WDR3: variants seen among roughly 807,000 people sequenced by gnomAD.
WDR3 encodes the protein WD repeat-containing protein 3.
In WDR3, 81 loss-of-function variants were observed where a neutral mutation model predicts 123.7. The observed-to-expected ratio is 0.65, with a 90% CI of 0.55 to 0.79. The LOEUF (loss-of-function observed/expected upper bound fraction) is 0.79. Among genes scored for constraint, WDR3 ranks in the 30% least tolerant of loss-of-function variants. The pLI is 0.00. For synonymous variants in WDR3, 390 were observed against 388.8 expected (o/e 1.00, Z -0.04); for missense variants, 1,027 against 1,123.2 (o/e 0.91, Z 1.22).
intron 20 of WDR3, 76 bp downstream of exon 20, chr1:117,953,072 AT>A: frequency 6.6e-7 from 1 of 1,507,274 alleles, no homozygotes. Context: ...AATGTCCAGA[AT>A]TTCTAATAGA....
intron 6 of WDR3, 147 bp downstream of exon 6, chr1:117,939,719 T>G: frequency 1.3e-6 from 1 of 748,992 alleles, no homozygotes; most frequent in Non-Finnish European, 2.2e-6. Flanking sequence ...AAAAAGCTTT[T>G]CTTCCTTATA....
Position 117,963,488 on chromosome 1 carries a change from A to G in WDR3, c.*4041A>G, listed in dbSNP as rs1346225635. ...ACGCCATTCTCCTGCCTCAGCCTCCAGAGTAGCTGGGACTACAGGCACCCG... is the reference window on the plus strand; with the variant it reads ...ACGCCATTCTCCTGCCTCAGCCTCCGGAGTAGCTGGGACTACAGGCACCCG... On this transcript the variant is annotated 3_prime_UTR_variant, in exon 27 of 27. Coordinates refer to ENST00000349139, the MANE Select transcript of WDR3 (RefSeq NM_006784.3). 1.8e-5 allele frequency: 3 copies of G among 164,818 alleles called. No individual in the cohort carries two copies. Among genetic ancestry groups the G allele is most frequent in the African/African-American group, 7.2e-5 (3 of 41,638 alleles). The allele number at this position is 164,818 out of a possible 1,614,324, so 10.2% of individuals were successfully genotyped here. A position where few individuals can be genotyped will look rare whatever the true frequency, so the allele number is the denominator to read the frequency against.
intron 6 of WDR3, among the ~76,000 whole-genome samples, chr1:117,940,443 G>T (rs576404355): frequency 1.6e-4 from 24 of 152,258 alleles, no homozygotes; most frequent in African/African-American, 4.8e-4. Context: ...TACCTCCTGG[G>T]CCAGGCACAG....
Position 117,960,798 on chromosome 1 carries a change from T to C in WDR3, c.*1351T>C, listed in dbSNP as rs1230010147. 2 of 152,264 alleles carry C rather than the reference T, an allele frequency of 1.3e-5. No individual in the cohort carries two copies. Among genetic ancestry groups the C allele is most frequent in the African/African-American group, 4.8e-5 (2 of 41,472 alleles). The allele number at this position is 152,264 out of a possible 1,614,324, so 9.4% of individuals were successfully genotyped here. On this transcript the variant is annotated 3_prime_UTR_variant, in exon 27 of 27. Transcript: ENST00000349139. ...TCTCCCAAAACTGTGAATTGCACCA[T>C]GTATGATCTGTATTTGTGTGTGTTA...
Position 117,933,396 on chromosome 1 carries a change from T to C in WDR3, c.77T>C (p.Ile26Thr), listed in dbSNP as rs1650803795. 1 of 1,614,200 alleles carries C rather than the reference T, an allele frequency of 6.2e-7. No individual in the cohort carries two copies. Among genetic ancestry groups the C allele is most frequent in the African/African-American group, 1.3e-5 (1 of 75,036 alleles). The change falls in exon 2 of 27, where the codon ATT (isoleucine) becomes ACT (threonine). Residue 26 changes from isoleucine to threonine, a missense_variant. Transcript: ENST00000349139. ...FGVIGSQKGN[I>T]VFVTLRGEKG... ...GTTATCGGCAGCCAAAAAGGTAATA[T>C]TGTCTTTGTGACACTTCGTGGTGAG...
intron 8 of WDR3, 134 bp from the exon 9 acceptor site, chr1:117,941,616 A>G (rs1202263483): frequency 8.9e-7 from 1 of 1,125,554 alleles, no homozygotes; most frequent in African/African-American, 1.6e-5. Context: ...TAGCAAACCC[A>G]GAGAGATTAA....
At chr1:117,949,646 C>A in intron 13 of WDR3, 105 bp from the exon 14 acceptor site, 2 of 1,280,198 alleles carry the variant, frequency 1.6e-6, no homozygotes, top group Non-Finnish European at 2.1e-6. Flanking sequence ...AATTTTTATC[C>A]CATGACGTTA....
In WDR3 at chr1:117,943,452, A is replaced by G. The variant is rs1557819875; in HGVS notation, c.1154A>G (p.Gln385Arg). 1 of 1,614,168 alleles carries G rather than the reference A, an allele frequency of 6.2e-7. No homozygotes were observed. Among genetic ancestry groups the G allele is most frequent in the East Asian group, 2.2e-5 (1 of 44,878 alleles). ...GAGTTAAAGGCTGTCTTCCTGCTGC[A>G]GAACAACCTGGTGGAATTGTATTCA... ...HGELKAVFLL[Q>R]NNLVELYSLN... is the part of the protein sequence containing the mutation. The change falls in exon 11 of 27, where the codon CAG becomes CGG. Residue 385 changes from glutamine to arginine, a missense_variant. Coordinates refer to ENST00000349139, the MANE Select transcript of WDR3 (RefSeq NM_006784.3).
chr1:117,936,993 G>A, intron 4 of WDR3, 106 bp downstream of exon 4: 6 of 855,926 alleles, frequency 7.0e-6, no homozygotes, highest in Middle Eastern at 2.6e-4. Context: ...TTATGCATTA[G>A]TTTTCTCTCC....
chr1:117,940,939 A>G lies in WDR3; in HGVS notation c.788A>G (p.Asp263Gly), dbSNP rs1394937268. Residue 263 changes from aspartate (D) to glycine (G), a missense_variant and splice_region_variant, in exon 7 of 27, where the codon GAT becomes GGT. Asp to Gly is a moderately conservative substitution (Grantham distance 94, BLOSUM62 -1). Coordinates refer to ENST00000349139, the MANE Select transcript of WDR3 (RefSeq NM_006784.3). Reference sequence around the variant, plus strand: ...TTTGAGACGGATGAAGCCCCTGAGGATGTAATTCATTTTCATTTCTTAAGT... The same window carrying G: ...TTTGAGACGGATGAAGCCCCTGAGGGTGTAATTCATTTTCATTTCTTAAGT... ...GAFETDEAPE[D>G]RILSCRKAGS... is the part of the protein sequence containing the mutation. 1.2e-6 allele frequency: 2 copies of G among 1,605,746 alleles called. No individual in the cohort carries two copies. The highest frequency in any genetic ancestry group is 2.7e-5 in the African/African-American group (2 of 74,180).
At position 117,933,334 on chromosome 1, in the gene WDR3, GCAGTAC is replaced by G; in HGVS notation, c.17_22del (p.Gln6_Tyr7del). 1.2e-6 allele frequency: 2 copies of G among 1,614,146 alleles called. No individual in the cohort carries two copies. The highest frequency in any genetic ancestry group is 1.7e-6 in the Non-Finnish European group (2 of 1,179,992). Reference sequence around the variant, plus strand: ...GACATCACAACATGGGGCTCACCAAGCAGTACCTACGCTATGTTGCTAGTGCGGTCT... The same window carrying G: ...GACATCACAACATGGGGCTCACCAAGCTACGCTATGTTGCTAGTGCGGTCT... On this transcript the variant is annotated inframe_deletion, in exon 2 of 27. Transcript: ENST00000349139.
At position 117,959,341 on chromosome 1, in the gene WDR3, G is replaced by A. The variant is rs561648630; in HGVS notation, c.2726G>A (p.Cys909Tyr). 9.3e-6 allele frequency: 15 copies of A among 1,613,870 alleles called. No individual in the cohort carries two copies. The Admixed American group carries it at 2.3e-4, about 25-fold the overall frequency. ...MAGLDYLKRE[C>Y]EAKSEVMFFA... Reference sequence around the variant, plus strand: ...GGTCTTGATTATCTCAAGAGGGAATGCGAGGCAAAAAGTGAAGTTATGTTT... The same window carrying A: ...GGTCTTGATTATCTCAAGAGGGAATACGAGGCAAAAAGTGAAGTTATGTTT... Residue 909 changes from cysteine (C) to tyrosine (Y), a missense_variant, in exon 27 of 27, where the codon TGC becomes TAC. By Grantham distance (194) the Cys-to-Tyr change is radical. Coordinates refer to ENST00000349139, the MANE Select transcript of WDR3 (RefSeq NM_006784.3).
chr1:117,941,310 CT>C, intron 8 of WDR3, 85 bp downstream of exon 8: 2 of 1,360,426 alleles, frequency 1.5e-6, no homozygotes, highest in Non-Finnish European at 2.1e-6. Flanking sequence ...GTAAAGATGA[CT>C]TTTTCTTGAC....
intron 4 of WDR3, 56 bp from the exon 5 acceptor site, chr1:117,938,424 C>T (rs1297540405): frequency 1.0e-5 from 15 of 1,432,896 alleles, no homozygotes; most frequent in African/African-American, 2.8e-5. Flanking sequence ...TCTCCCTATT[C>T]GTTGAATGAG....
intron 4 of WDR3, 53 bp downstream of exon 4, chr1:117,936,940 C>A: frequency 6.7e-7 from 1 of 1,500,542 alleles, no homozygotes; most frequent in Non-Finnish European, 9.2e-7. Flanking sequence ...AGAGAATTTG[C>A]TTTATTCCTT....
At chr1:117,953,759 C>T in intron 21 of WDR3, 1 of 612,492 alleles carries the variant, frequency 1.6e-6, no homozygotes, top group Non-Finnish European at 2.8e-6. Flanking sequence ...GTTCCTGGGA[C>T]CTGCCCTATT....
rs3059173 is a variant in WDR3 at position 117,960,109 on chromosome 1, C to CGTGTGTGTGTGTGT, written c.*687_*700dup. 63 of 144,494 alleles carry CGTGTGTGTGTGTGT rather than the reference C, an allele frequency of 4.4e-4. No individual in the cohort carries two copies. The highest frequency in any genetic ancestry group is 1.6e-3 in the African/African-American group (59 of 38,000). 9.0% of individuals were successfully genotyped at this position (144,494 alleles called of 1,614,324 possible). ...TGGGCTTCTGAGGAATTAATACACT[C>CGTGTGTGTGTGTGT]GTGTGTGTGTGTGTGTGTGTGTGTG... On this transcript the variant is annotated 3_prime_UTR_variant, in exon 27 of 27. Coordinates refer to ENST00000349139, the MANE Select transcript of WDR3 (RefSeq NM_006784.3).
At chr1:117,941,017 T>C (rs757548623) in intron 7 of WDR3, 77 bp downstream of exon 7, 128 of 1,571,356 alleles carry the variant, frequency 8.1e-5, no homozygotes, top group Non-Finnish European at 1.1e-4. Flanking sequence ...TAGGGAATCA[T>C]CACTTTAGGG....
intron 4 of WDR3, among the ~76,000 whole-genome samples, chr1:117,938,151 A>G (rs180786340): frequency 3.7e-4 from 57 of 152,290 alleles, no homozygotes; most frequent in African/African-American, 1.3e-3. Flanking sequence ...AGATGTTTCC[A>G]TGGTAGACTG....
Sources: allele counts gnomAD v4.1 joint callset (sites outside exome capture counted in the v4.1 genomes callset), GRCh38; gene constraint gnomAD v4.1.1; transcripts MANE v1.5; gene names NCBI Gene and HGNC (gene_info 2026-07-23, HGNC 2026-07-21).